CLTB: variants seen among roughly 807,000 people sequenced by gnomAD.
CLTB encodes the protein clathrin light chain B, also known as clathrin, light chain (Lcb).
CLTB carries 10 observed loss-of-function variants against 30.5 expected under a neutral mutation model. The ratio of observed to expected loss-of-function variants is 0.33; its 90% CI spans 0.20 to 0.56. The LOEUF (loss-of-function observed/expected upper bound fraction) is 0.56, where lower values mean the gene tolerates loss of function less well. CLTB is among the 20% of genes least tolerant of loss of function. The pLI, the probability that CLTB is intolerant of heterozygous loss-of-function variation, is 0.91. For synonymous variants in CLTB, 102 were observed against 120.3 expected, an observed-to-expected ratio of 0.85 and a Z score of 1.00; for missense variants, 261 against 308.3, an observed-to-expected ratio of 0.85 and a Z score of 1.15.
At chr5:176,413,539 G>A (rs919314417) in intron 1 of CLTB, among the ~76,000 whole-genome samples, 1 of 152,210 alleles carries the variant, frequency 6.6e-6, no homozygotes, top group Admixed American at 6.5e-5. Context: ...TTCCCCAGGG[G>A]CAACTGAGCC....
intron 5 of CLTB, among the ~76,000 whole-genome samples, chr5:176,395,540 G>GAACA (rs2113626822): frequency 1.3e-5 from 2 of 152,326 alleles, no homozygotes; most frequent in African/African-American, 4.8e-5. Flanking sequence ...CTAGAGTGAA[G>GAACA]AACAGCAAGT....
At chr5:176,401,044 C>G (rs1199300251) in intron 2 of CLTB, among the ~76,000 whole-genome samples, 1 of 152,244 alleles carries the variant, frequency 6.6e-6, no homozygotes, top group Non-Finnish European at 1.5e-5. Flanking sequence ...CACCCTTACT[C>G]CTCTCCAGCA....
Position 176,416,394 on chromosome 5 carries a change from G to T in CLTB, c.-31C>A. On this transcript the variant is annotated 5_prime_UTR_variant, in exon 1 of 6. Transcript: ENST00000310418. ...CCGCGCCTCCGCCGGAGCCTCCGCTGCGCTCGGCTCTGCCCGCGCCTGCCC... is the reference window on the plus strand; with the variant it reads ...CCGCGCCTCCGCCGGAGCCTCCGCTTCGCTCGGCTCTGCCCGCGCCTGCCC... The T allele has an allele frequency of 6.4e-7, 1 of 1,573,834 alleles. No individual in the cohort carries two copies. The highest frequency in any genetic ancestry group is 8.6e-7 in the Non-Finnish European group (1 of 1,163,276).
At chr5:176,415,623 G>C (rs530176856) in intron 1 of CLTB, among the ~76,000 whole-genome samples, 1 of 152,358 alleles carries the variant, frequency 6.6e-6, no homozygotes, top group South Asian at 2.1e-4. Context: ...TTGAGCCTCA[G>C]TTTTACCATC....
At position 176,416,214 on chromosome 5, in the gene CLTB, G is replaced by A. The variant is rs1757683896; in HGVS notation, c.150C>T (p.Ser50=). ...GGCCCGGCTGCGCGGGGGCCGCATGGCTGCCGGCAGGTGCCCCGAAGCCCT... is the reference window on the plus strand; with the variant it reads ...GGCCCGGCTGCGCGGGGGCCGCATGACTGCCGGCAGGTGCCCCGAAGCCCT... The part of the protein sequence containing the change: ...NDEGFGAPAG[S]HAAPAQPGPT... The change falls in exon 1 of 6, where the codon AGC becomes AGT. Residue 50 remains serine, a synonymous_variant. Coordinates refer to ENST00000310418, the MANE Select transcript of CLTB (RefSeq NM_007097.5). 6.3e-7 allele frequency: 1 copy of A among 1,596,720 alleles called. No individual in the cohort carries two copies. Among genetic ancestry groups the A allele is most frequent in the African/African-American group, 1.4e-5 (1 of 72,466 alleles).
rs58995259 is a variant in CLTB at position 176,394,688 on chromosome 5, A to G, written c.519-1743T>C. ...AAATTAGCCGGGCATGGTGGCGGGCACCTGTAGTCCCAGCTACTCAGGAGG... is the reference window on the plus strand; with the variant it reads ...AAATTAGCCGGGCATGGTGGCGGGCGCCTGTAGTCCCAGCTACTCAGGAGG... On this transcript the variant is annotated intron_variant, in intron 5 of 5. Transcript: ENST00000310418. 4.1e-3 allele frequency among the ~76,000 whole-genome samples: 622 copies of G among 152,100 alleles called. 5 individuals are homozygous for G. The highest frequency in any genetic ancestry group is 0.012 in the African/African-American group (494 of 41,478).
At chr5:176,412,594 C>T (rs772452298) in intron 1 of CLTB, among the ~76,000 whole-genome samples, 3 of 152,216 alleles carry the variant, frequency 2.0e-5, no homozygotes, top group Non-Finnish European at 2.9e-5. Flanking sequence ...CTTCACCAGC[C>T]AGACAGGGCT....
At position 176,416,201 on chromosome 5, in the gene CLTB, C is replaced by A. The variant is rs1360450396; in HGVS notation, c.163G>T (p.Ala55Ser). ...GAPAGSHAAPAQPGPTSGAGS... is the reference protein window; with the variant it reads ...GAPAGSHAAPSQPGPTSGAGS... ...CCCCCACTCGTGGGGCCCGGCTGCG[C>A]GGGGGCCGCATGGCTGCCGGCAGGT... Residue 55 changes from alanine to serine, a missense_variant, in exon 1 of 6, where the codon GCG becomes TCG. This residue lies in a region of CLTB where 113 missense variants were observed against 102.5 expected (regional missense o/e 1.10). Coordinates refer to ENST00000310418, the MANE Select transcript of CLTB (RefSeq NM_007097.5). 3.1e-6 allele frequency: 5 copies of A among 1,588,672 alleles called. No individual in the cohort carries two copies. The highest frequency in any genetic ancestry group is 4.3e-6 in the Non-Finnish European group (5 of 1,171,080).
In CLTB at chr5:176,416,352, GTCA is replaced by G. The variant is rs915087993; in HGVS notation, c.9_11del (p.Asp4del). 6.3e-7 allele frequency: 1 copy of G among 1,596,652 alleles called. No individual in the cohort carries two copies. Among genetic ancestry groups the G allele is most frequent in the African/African-American group, 1.4e-5 (1 of 71,872 alleles). On this transcript the variant is annotated inframe_deletion, in exon 1 of 6. Coordinates refer to ENST00000310418, the MANE Select transcript of CLTB (RefSeq NM_007097.5). ...TCTCCGACGACGAGAAGAAGCCAAAGTCATCAGCCATTTTCCCCGCGCCTCCGC... is the reference window on the plus strand; with the variant it reads ...TCTCCGACGACGAGAAGAAGCCAAAGTCAGCCATTTTCCCCGCGCCTCCGC...
intron 2 of CLTB, among the ~76,000 whole-genome samples, chr5:176,409,961 T>C (rs1289754466): frequency 2.0e-5 from 3 of 152,320 alleles, no homozygotes; most frequent in Middle Eastern, 3.4e-3. Context: ...GGCCTTGCGC[T>C]GCCTTCATCT....
chr5:176,399,346 C>T (rs1473386395), intron 2 of CLTB, among the ~76,000 whole-genome samples: 4 of 152,182 alleles, frequency 2.6e-5, no homozygotes, highest in Non-Finnish European at 5.9e-5. Flanking sequence ...AACTTGGACT[C>T]TGCAGCCAGG....
chr5:176,401,141 C>T (rs1561794683), intron 2 of CLTB, among the ~76,000 whole-genome samples: 1 of 152,376 alleles, frequency 6.6e-6, no homozygotes, highest in East Asian at 1.9e-4. Flanking sequence ...AAGTTCACTG[C>T]TGCTCCTTTC....
Position 176,403,119 on chromosome 5 carries a change from G to A in CLTB, c.235-5072C>T, listed in dbSNP as rs1400988692. ...GGCTGGAGTGCAGTGTCAGGATCTC[G>A]GCTCACTGCAACCTTGGCCTCCTGG... On this transcript the variant is annotated intron_variant, in intron 2 of 5. Transcript: ENST00000310418. 6.1e-5 allele frequency among the ~76,000 whole-genome samples: 9 copies of A among 148,578 alleles called. No individual in the cohort carries two copies. The East Asian group carries it at 1.4e-3, about 23-fold the overall frequency.
rs1581454613 is a variant in CLTB at position 176,416,533 on chromosome 5, T to A, written c.-170A>T. ...CTCTCCGCCACCGGGCCCGGCTGGC[T>A]GTCACTGCGGTGCGGGCGCCGCGGC... On this transcript the variant is annotated 5_prime_UTR_variant, in exon 1 of 6. Coordinates refer to ENST00000310418, the MANE Select transcript of CLTB (RefSeq NM_007097.5). 1.3e-5 allele frequency: 5 copies of A among 377,778 alleles called. No individual in the cohort carries two copies. In the East Asian group the frequency reaches 3.6e-4, roughly 27 times the overall value. 23.4% of individuals were successfully genotyped at this position (377,778 alleles called of 1,614,324 possible).
chr5:176,402,778 G>A (rs13154366), intron 2 of CLTB, among the ~76,000 whole-genome samples: 14,279 of 152,266 alleles, frequency 0.094, 797 homozygotes, highest in African/African-American at 0.13. Context: ...CTGGGGAAAC[G>A]TGAACCTTGC....
intron 2 of CLTB, 141 bp downstream of exon 2, chr5:176,410,116 C>A (rs1757351929): frequency 4.2e-6 from 3 of 717,100 alleles, no homozygotes; most frequent in Non-Finnish European, 7.0e-6. Context: ...ATTCCAAAAA[C>A]CTTTCTCTAT....
At chr5:176,401,753 A>AAACAGCGACACTGAAC (rs1561794986) in intron 2 of CLTB, 1 of 456,170 alleles carries the variant, frequency 2.2e-6, no homozygotes, top group African/African-American at 2.0e-5. Flanking sequence ...GTTAAAATGA[A>AAACAGCGACACTGAAC]AACAGCGACA....
chr5:176,393,020 GC>G lies in CLTB; in HGVS notation c.519-76del. ...CCTTGCCCTTGAGCAAGGCTGCTTT[GC>G]CCAGCCTACTCTGGGGCACTGTGTC... On this transcript the variant is annotated intron_variant, in intron 5 of 5. Transcript: ENST00000310418. The surrounding 1 kb of genome is among the most constrained non-coding windows in gnomAD (Gnocchi z 4.4). 6.5e-7 allele frequency: 1 copy of G among 1,538,370 alleles called. No homozygotes were observed. The highest frequency in any genetic ancestry group is 9.0e-7 in the Non-Finnish European group (1 of 1,115,534).
chr5:176,392,470 T>C (rs1756293736), downstream of CLTB: 2 of 297,306 alleles, frequency 6.7e-6, no homozygotes, highest in Non-Finnish European at 1.3e-5. The surrounding 1 kb of genome is among the most constrained non-coding windows in gnomAD (Gnocchi z 5.2). Flanking sequence ...TCCAGAGAAG[T>C]GAGAATGATA....
Sources: allele counts gnomAD v4.1 joint callset (sites outside exome capture counted in the v4.1 genomes callset), GRCh38; gene constraint gnomAD v4.1.1; regional missense constraint gnomAD v4.1.1; non-coding constraint Gnocchi (gnomAD v3.1); transcripts MANE v1.5; gene names NCBI Gene and HGNC (gene_info 2026-07-23, HGNC 2026-07-21).